Variants in LAMA3 observed in about 807,000 individuals in gnomAD.
LAMA3 encodes laminin subunit alpha-3.
A neutral mutation model predicts 402.0 loss-of-function variants in LAMA3; 281 were observed. The observed-to-expected ratio is 0.70, with a 90% confidence interval of 0.63 to 0.77. The LOEUF is 0.77. Ranked by LOEUF, LAMA3 falls within the 30% of genes least tolerant of loss-of-function variation. The probability of loss-of-function intolerance (pLI) is 0.00; values close to 1 mark genes in which losing one functional copy is unlikely to be tolerated. For missense variants in LAMA3, 3,840 were observed against 4,215.5 expected (o/e 0.91, Z 2.47); for synonymous variants, 1,431 against 1,558.4 (o/e 0.92, Z 1.93).
In LAMA3 at chr18:23,763,535, T is replaced by C; in HGVS notation, c.1182+12T>C. 2 of 1,472,050 alleles carry C rather than the reference T, an allele frequency of 1.4e-6. No individual in the cohort carries two copies. Among genetic ancestry groups the C allele is most frequent in the Non-Finnish European group, 1.9e-6 (2 of 1,050,492 alleles). The allele number at this position is 1,472,050 out of a possible 1,614,324, so 91.2% of individuals were successfully genotyped here. On this transcript the variant is annotated intron_variant, in intron 8 of 74. Coordinates refer to ENST00000313654, the MANE Select transcript of LAMA3 (RefSeq NM_198129.4). ...GCATTAACTGTCAGGTGAGGCACTATTTAAATCAAAGTGGATGTGTTGTCA... is the reference window on the plus strand; with the variant it reads ...GCATTAACTGTCAGGTGAGGCACTACTTAAATCAAAGTGGATGTGTTGTCA...
At chr18:23,821,825 C>T (rs1486005836) in intron 19 of LAMA3, among the ~76,000 whole-genome samples, 1 of 152,196 alleles carries the variant, frequency 6.6e-6, no homozygotes, top group Non-Finnish European at 1.5e-5. Context: ...GTATGTGAAG[C>T]GGACTCTGAA....
At chr18:23,942,580 C>CT (rs11293501) in intron 68 of LAMA3, among the ~76,000 whole-genome samples, 34 of 133,568 alleles carry the variant, frequency 2.5e-4, no homozygotes, top group Admixed American at 5.2e-4. Flanking sequence ...TTGCACTCTG[C>CT]TTTTTTTTTT....
At chr18:23,861,472 A>G (rs1191501293) in intron 34 of LAMA3, among the ~76,000 whole-genome samples, 174 bp from the exon 35 acceptor site, 2 of 152,194 alleles carry the variant, frequency 1.3e-5, no homozygotes, top group East Asian at 3.8e-4. Flanking sequence ...CCCAGTGGCA[A>G]TGGGTCAGAC....
intron 2 of LAMA3, among the ~76,000 whole-genome samples, chr18:23,734,173 A>G (rs1020912188): frequency 2.6e-5 from 4 of 152,340 alleles, no homozygotes; most frequent in Admixed American, 1.3e-4. Flanking sequence ...CCAAACTGGT[A>G]TGCAGTGGGG....
At chr18:23,866,634 A>AT (rs5823405) in intron 36 of LAMA3, among the ~76,000 whole-genome samples, 17,605 of 152,078 alleles carry the variant, frequency 0.12, 2,276 homozygotes, top group African/African-American at 0.3. Context: ...GGCCAGGCGT[A>AT]TTTTTTTACT....
In LAMA3 at chr18:23,763,393, CT is replaced by C. The variant is rs753829403; in HGVS notation, c.1064-4del. ...ATAATGAGAATATTGACTTATTATGCTTTTTTTTCAGCATGCAACTGCCACG... is the reference window on the plus strand; with the variant it reads ...ATAATGAGAATATTGACTTATTATGCTTTTTTTCAGCATGCAACTGCCACG... On this transcript the variant is annotated splice_polypyrimidine_tract_variant and intron_variant, in intron 7 of 74. Transcript: ENST00000313654. The C allele has an allele frequency of 2.2e-5, 33 of 1,528,060 alleles. No individual in the cohort carries two copies. Among genetic ancestry groups the C allele is most frequent in the East Asian group, 6.8e-5 (3 of 44,302 alleles). 94.7% of individuals were successfully genotyped at this position (1,528,060 alleles called of 1,614,324 possible). A position where few individuals can be genotyped will look rare whatever the true frequency, so the allele number is the denominator to read the frequency against.
At chr18:23,775,017 C>T (rs932529470) in intron 9 of LAMA3, among the ~76,000 whole-genome samples, 4 of 152,168 alleles carry the variant, frequency 2.6e-5, no homozygotes, top group African/African-American at 9.7e-5. Context: ...GTATTAGAGG[C>T]TTGGCGTAAA....
Position 23,833,993 on chromosome 18 carries a change from T to C in LAMA3, c.2984+5T>C. 1 of 1,614,178 alleles carries C rather than the reference T, an allele frequency of 6.2e-7. No homozygotes were observed. The highest frequency in any genetic ancestry group is 8.5e-7 in the Non-Finnish European group (1 of 1,180,006). ...CATTTACAGCTGCAACTACAGGTAC[T>C]CAGCCCCACCAAGGGAATTCCTCTG... On this transcript the variant is annotated splice_donor_5th_base_variant and intron_variant, in intron 24 of 74. Transcript: ENST00000313654.
chr18:23,880,995 T>C (rs549762565), intron 39 of LAMA3, among the ~76,000 whole-genome samples: 7 of 152,124 alleles, frequency 4.6e-5, no homozygotes, highest in African/African-American at 1.7e-4. Flanking sequence ...AAAATTATAC[T>C]TATTCCAGCC....
intron 72 of LAMA3, among the ~76,000 whole-genome samples, chr18:23,950,466 C>A (rs1351057572): frequency 2.6e-5 from 4 of 152,174 alleles, no homozygotes; most frequent in Non-Finnish European, 4.4e-5. Flanking sequence ...GATAATAACT[C>A]TTATAACTTA....
At chr18:23,710,356 G>A (rs1195790319) in intron 1 of LAMA3, 7 of 399,116 alleles carry the variant, frequency 1.8e-5, no homozygotes, top group African/African-American at 4.2e-5. Flanking sequence ...AAAGCCCCAC[G>A]AGGTTATCTT....
chr18:23,940,088 C>T (rs1362090873), intron 68 of LAMA3, among the ~76,000 whole-genome samples: 2 of 152,192 alleles, frequency 1.3e-5, no homozygotes, highest in Non-Finnish European at 2.9e-5. Context: ...CTCTGAGACA[C>T]AGACACTAAG....
At chr18:23,882,821 C>T (rs2077847994) in intron 40 of LAMA3, among the ~76,000 whole-genome samples, 1 of 151,402 alleles carries the variant, frequency 6.6e-6, no homozygotes, top group South Asian at 2.1e-4. Flanking sequence ...TGGGGCTTGA[C>T]CTAGAGTGTG....
At chr18:23,780,273 G>T (rs2062409163) in intron 11 of LAMA3, among the ~76,000 whole-genome samples, 1 of 145,056 alleles carries the variant, frequency 6.9e-6, no homozygotes. Flanking sequence ...AATGGCAGGA[G>T]TTAAGTGCCA....
At chr18:23,697,791 G>A (rs945541083) in intron 1 of LAMA3, among the ~76,000 whole-genome samples, 4 of 146,402 alleles carry the variant, frequency 2.7e-5, no homozygotes, top group South Asian at 2.1e-4. Context: ...CAGTTTGCTC[G>A]GACTGCCATA....
At chr18:23,871,344 T>A (rs985385076) in intron 37 of LAMA3, 87 bp from the exon 38 acceptor site, 9 of 1,020,570 alleles carry the variant, frequency 8.8e-6, no homozygotes, top group Non-Finnish European at 1.4e-5. Flanking sequence ...TGTCTTGTTT[T>A]TGATTCATTC....
intron 60 of LAMA3, 104 bp downstream of exon 60, chr18:23,916,799 A>G (rs2081641276): frequency 1.9e-6 from 2 of 1,076,830 alleles, no homozygotes; most frequent in Non-Finnish European, 2.9e-6. Context: ...CTGGAAAACA[A>G]TGTGTAAATG....
intron 11 of LAMA3, chr18:23,781,186 C>T (rs752343796): frequency 3.7e-5 from 15 of 404,024 alleles, no homozygotes; most frequent in South Asian, 1.1e-4. Context: ...CTTCGTTTAA[C>T]GCCAAGACTG....
chr18:23,884,627 T>C (rs745611172), intron 40 of LAMA3, 146 bp from the exon 41 acceptor site: 255 of 752,972 alleles, frequency 3.4e-4, no homozygotes, highest in Non-Finnish European at 5.4e-4. Flanking sequence ...CTCCAAGTCT[T>C]GATGGGCAAA....
Sources: gnomAD v4.1 joint callset for allele counts (sites outside exome capture counted in the v4.1 genomes callset) on GRCh38, gnomAD v4.1.1 for gene constraint, MANE v1.5 for transcripts, NCBI Gene and HGNC (gene_info 2026-07-23, HGNC 2026-07-21) for gene names.